Variants in SGMS1 observed in about 807,000 individuals in gnomAD.
SGMS1 encodes sphingomyelin synthase 1.
In SGMS1, 13 loss-of-function variants were observed where a neutral mutation model predicts 46.2. The observed-to-expected ratio is 0.28, with a 90% confidence interval of 0.18 to 0.45. The LOEUF (loss-of-function observed/expected upper bound fraction) is 0.45. Among genes scored for constraint, SGMS1 ranks in the 20% least tolerant of loss-of-function variants. The probability of loss-of-function intolerance (pLI) is 1.00; values close to 1 mark genes in which losing one functional copy is unlikely to be tolerated. For missense variants in SGMS1, 324 were observed against 519.9 expected (o/e 0.62, Z 3.66); for synonymous variants, 203 against 187.8 (o/e 1.08, Z -0.66).
intron 2 of SGMS1, among the ~76,000 whole-genome samples, chr10:50,532,270 T>C (rs1837961811): frequency 6.9e-6 from 1 of 145,018 alleles, no homozygotes; most frequent in Non-Finnish European, 1.5e-5. Context: ...TGTGTGTGTG[T>C]GTGTCCTGTG....
At chr10:50,454,582 C>T (rs1837167273) in intron 5 of SGMS1, among the ~76,000 whole-genome samples, 1 of 152,162 alleles carries the variant, frequency 6.6e-6, no homozygotes, top group South Asian at 2.1e-4. Context: ...CAACTTCTCT[C>T]TCTTCAACTT....
At chr10:50,596,429 C>T (rs918903437) in intron 1 of SGMS1, among the ~76,000 whole-genome samples, 19 of 152,208 alleles carry the variant, frequency 1.2e-4, no homozygotes, top group African/African-American at 2.9e-4. Flanking sequence ...CTGCCCACCT[C>T]GGCCTCCCAA....
At position 50,464,792 on chromosome 10, in the gene SGMS1, G is replaced by C. The variant is rs145080891; in HGVS notation, c.-455+2098C>G. ...CTTCTGACCCACAAAACTGTAAGAT[G>C]ATAAATTTGTGTGGAACAAAGAAGG... On this transcript the variant is annotated intron_variant, in intron 4 of 10. Coordinates refer to ENST00000361781, the MANE Select transcript of SGMS1 (RefSeq NM_147156.4). 1.1e-3 allele frequency among the ~76,000 whole-genome samples: 162 copies of C among 152,218 alleles called. 1 individual carries two copies. The highest frequency in any genetic ancestry group is 3.4e-3 in the African/African-American group (140 of 41,538).
At chr10:50,554,642 C>T (rs1438465841) in intron 2 of SGMS1, among the ~76,000 whole-genome samples, 15 of 152,004 alleles carry the variant, frequency 9.9e-5, no homozygotes, top group Admixed American at 8.5e-4. Context: ...CAGGGGCTGG[C>T]CCCACCACAG....
intron 5 of SGMS1, among the ~76,000 whole-genome samples, chr10:50,453,265 C>T (rs1837135280): frequency 6.6e-6 from 1 of 151,864 alleles, no homozygotes; most frequent in Non-Finnish European, 1.5e-5. Flanking sequence ...GAAAAAACTA[C>T]CATGTTGACT....
At chr10:50,426,913 T>C (rs182665654) in intron 6 of SGMS1, among the ~76,000 whole-genome samples, 2 of 152,194 alleles carry the variant, frequency 1.3e-5, no homozygotes, top group East Asian at 3.9e-4. Flanking sequence ...TATTCCAAAT[T>C]GAAATAATGG....
chr10:50,356,708 TA>T (rs921634872), intron 6 of SGMS1, among the ~76,000 whole-genome samples: 4 of 151,298 alleles, frequency 2.6e-5, no homozygotes, highest in Non-Finnish European at 5.9e-5. Flanking sequence ...CTGGAACTCT[TA>T]AAAAAATAAA....
intron 1 of SGMS1, among the ~76,000 whole-genome samples, chr10:50,616,336 G>A (rs1013239838): frequency 2.0e-5 from 3 of 152,116 alleles, no homozygotes; most frequent in Admixed American, 6.5e-5. Flanking sequence ...GGGACTCACC[G>A]TGTTGCCCAG....
chr10:50,403,944 T>A (rs1848976206), intron 6 of SGMS1, among the ~76,000 whole-genome samples: 1 of 151,678 alleles, frequency 6.6e-6, no homozygotes, highest in Non-Finnish European at 1.5e-5. Flanking sequence ...TGTTTAATAT[T>A]CCTTACACCA....
chr10:50,356,084 G>T (rs1489004516), intron 6 of SGMS1, among the ~76,000 whole-genome samples: 1 of 152,216 alleles, frequency 6.6e-6, no homozygotes, highest in African/African-American at 2.4e-5. Context: ...TTGAGAACGG[G>T]CCATGATGAC....
At chr10:50,560,966 C>T (rs1049950609) in intron 2 of SGMS1, among the ~76,000 whole-genome samples, 1 of 152,118 alleles carries the variant, frequency 6.6e-6, no homozygotes, top group African/African-American at 2.4e-5. Context: ...ATGTTATATT[C>T]ACATCTTGTT....
chr10:50,311,817 T>C (rs1197614354), intron 8 of SGMS1, among the ~76,000 whole-genome samples: 1 of 152,238 alleles, frequency 6.6e-6, no homozygotes, highest in East Asian at 1.9e-4. Context: ...ATTTTTATCA[T>C]GGTTGGCCTA....
At chr10:50,495,556 C>T (rs1399382842) in intron 3 of SGMS1, among the ~76,000 whole-genome samples, 2 of 151,992 alleles carry the variant, frequency 1.3e-5, no homozygotes, top group Non-Finnish European at 2.9e-5. Flanking sequence ...TACATATAAA[C>T]ATAGAAGTTT....
chr10:50,562,149 T>C (rs1480680436), intron 2 of SGMS1, among the ~76,000 whole-genome samples: 1 of 152,054 alleles, frequency 6.6e-6, no homozygotes, highest in Non-Finnish European at 1.5e-5. Context: ...TTCTCCACAG[T>C]CCAACTCAAC....
intron 6 of SGMS1, among the ~76,000 whole-genome samples, chr10:50,417,650 T>C (rs1849192415): frequency 6.6e-6 from 1 of 152,126 alleles, no homozygotes; most frequent in South Asian, 2.1e-4. Flanking sequence ...AAAGGGCTGT[T>C]TCGTACAGGG....
intron 4 of SGMS1, among the ~76,000 whole-genome samples, chr10:50,463,461 A>T (rs929266026): frequency 6.6e-6 from 1 of 152,228 alleles, no homozygotes; most frequent in Non-Finnish European, 1.5e-5. Flanking sequence ...TCAAAACCAC[A>T]ATGAGATATC....
intron 3 of SGMS1, among the ~76,000 whole-genome samples, chr10:50,489,640 T>C (rs1231920526): frequency 6.6e-6 from 1 of 152,090 alleles, no homozygotes; most frequent in East Asian, 1.9e-4. Context: ...ACATCAACCC[T>C]CCAAACGTTT....
At chr10:50,542,755 A>G (rs1415409823) in intron 2 of SGMS1, among the ~76,000 whole-genome samples, 2 of 148,198 alleles carry the variant, frequency 1.3e-5, no homozygotes, top group Admixed American at 6.8e-5. Flanking sequence ...ATATATATTA[A>G]ATATTATTCA....
At chr10:50,489,729 A>T (rs1216584413) in intron 3 of SGMS1, among the ~76,000 whole-genome samples, 1 of 152,216 alleles carries the variant, frequency 6.6e-6, no homozygotes, top group African/African-American at 2.4e-5. Context: ...TAATCCCAGC[A>T]CTTTGGGAGG....
Sources: allele counts gnomAD v4.1 joint callset (sites outside exome capture counted in the v4.1 genomes callset), GRCh38; gene constraint gnomAD v4.1.1; transcripts MANE v1.5; gene names NCBI Gene and HGNC (gene_info 2026-07-23, HGNC 2026-07-21).